The following SEPTIN6 variants were observed in gnomAD, a reference collection of about 807,000 sequenced individuals.
SEPTIN6 encodes septin-6.
SEPTIN6 carries 8 observed loss-of-function variants against 33.6 expected under a neutral mutation model. The ratio of observed to expected loss-of-function variants is 0.24; its 90% CI spans 0.14 to 0.43. The LOEUF (loss-of-function observed/expected upper bound fraction) is 0.43. Ranked by LOEUF, SEPTIN6 falls within the 20% of genes least tolerant of loss-of-function variation. SEPTIN6 has a pLI of 1.00. For missense variants in SEPTIN6, 250 were observed against 340.8 expected, an observed-to-expected ratio of 0.73 and a Z score of 2.10; for synonymous variants, 131 against 140.0, an observed-to-expected ratio of 0.94 and a Z score of 0.45.
At chrX:119,642,177 C>CAAAAAAAAAA (rs1188953936) in intron 5 of SEPTIN6, among the ~76,000 whole-genome samples, 4 of 45,371 alleles carry the variant, frequency 8.8e-5, no homozygotes, top group Non-Finnish European at 1.3e-4. Context: ...GACCCAGTCT[C>CAAAAAAAAAA]AAAAAAAAAA....
In SEPTIN6 at chrX:119,689,024, C is replaced by T. The variant is rs781611352; in HGVS notation, c.30+4052G>A. On this transcript the variant is annotated intron_variant, in intron 1 of 10. Coordinates refer to ENST00000394610, the MANE Select transcript of SEPTIN6 (RefSeq NM_145799.4). ...ACCAGAGTGCAGCAGCAATCTTTTC[C>T]CCACCTGAAGACAGTTGCTCTGAGA... Among the ~76,000 whole-genome samples the T allele has an allele frequency of 1.4e-4, 16 of 111,332 alleles. No homozygotes were observed. In the South Asian group the frequency reaches 6.1e-3, roughly 42 times the overall value.
intron 3 of SEPTIN6, among the ~76,000 whole-genome samples, chrX:119,658,052 G>A (rs1157621908): frequency 7.2e-5 from 8 of 111,568 alleles, no homozygotes; most frequent in Admixed American, 3.8e-4. Context: ...GCGTGAACCC[G>A]GGAGGCGGAG....
In SEPTIN6 at chrX:119,642,044, A is replaced by G. The variant is rs182442437; in HGVS notation, c.691-1256T>C. Among the ~76,000 whole-genome samples the G allele has an allele frequency of 3.9e-3, 427 of 110,867 alleles. 5 individuals are homozygous for G. The highest frequency in any genetic ancestry group is 0.013 in the African/African-American group (406 of 30,444). On this transcript the variant is annotated intron_variant, in intron 5 of 10. Transcript: ENST00000394610. Reference sequence around the variant, plus strand: ...CAGACCCTGGCCCCGGAGAGTGCACAGTGTGCCAAGGGAGAAAGCCATCTC... The same window carrying G: ...CAGACCCTGGCCCCGGAGAGTGCACGGTGTGCCAAGGGAGAAAGCCATCTC...
At chrX:119,623,952 C>T (rs2053812440) in intron 10 of SEPTIN6, 1 of 194,574 alleles carries the variant, frequency 5.1e-6, no homozygotes, top group African/African-American at 3.0e-5. Flanking sequence ...GTCCTTAATC[C>T]CTGCTTTCAG....
At chrX:119,659,944 C>T (rs1314839152) in intron 3 of SEPTIN6, among the ~76,000 whole-genome samples, 2 of 112,248 alleles carry the variant, frequency 1.8e-5, no homozygotes, top group African/African-American at 6.5e-5. Context: ...GCGATCTCAG[C>T]TCACTGCAAC....
intron 1 of SEPTIN6, among the ~76,000 whole-genome samples, chrX:119,692,070 C>T: frequency 9.0e-6 from 1 of 111,523 alleles, no homozygotes. Flanking sequence ...TTTCTCTGCA[C>T]ATCCCAGGCT....
At chrX:119,629,544 C>A (rs1170615502) in intron 8 of SEPTIN6, 36 bp from the exon 9 acceptor site, 1 of 1,177,451 alleles carries the variant, frequency 8.5e-7, no homozygotes, top group Non-Finnish European at 1.2e-6. Context: ...GAGAGAATCC[C>A]CTGTGAGCAG....
chrX:119,692,621 C>T (rs1038938454), intron 1 of SEPTIN6, among the ~76,000 whole-genome samples: 1 of 111,967 alleles, frequency 8.9e-6, no homozygotes, highest in Non-Finnish European at 1.9e-5. Context: ...CCGCCTTCTG[C>T]CCCAGGCTAA....
intron 2 of SEPTIN6, among the ~76,000 whole-genome samples, chrX:119,674,839 A>G (rs1389940150): frequency 8.9e-6 from 1 of 111,804 alleles, no homozygotes; most frequent in Admixed American, 9.6e-5. Flanking sequence ...TTTCACAGAT[A>G]TTACCGCACT....
At chrX:119,679,237 TGGCCC>T (rs1220362003) in intron 1 of SEPTIN6, among the ~76,000 whole-genome samples, 24 of 111,985 alleles carry the variant, frequency 2.1e-4, no homozygotes, top group African/African-American at 7.8e-4. Flanking sequence ...CCACCATGCC[TGGCCC>T]AAAAGAAATA....
intron 8 of SEPTIN6, among the ~76,000 whole-genome samples, chrX:119,630,882 C>T (rs1219620142): frequency 2.9e-5 from 3 of 103,510 alleles, no homozygotes; most frequent in Non-Finnish European, 5.8e-5. Context: ...AAGAGTGAGA[C>T]TCTGTCTCGG....
At chrX:119,664,581 A>T (rs760764469) in intron 2 of SEPTIN6, among the ~76,000 whole-genome samples, 5 of 110,114 alleles carry the variant, frequency 4.5e-5, no homozygotes, top group Admixed American at 1.9e-4. Flanking sequence ...TAATCCTAGC[A>T]CTTTGGGAGG....
intron 2 of SEPTIN6, among the ~76,000 whole-genome samples, chrX:119,672,054 G>A (rs994878197): frequency 8.9e-6 from 1 of 112,038 alleles, no homozygotes; most frequent in Non-Finnish European, 1.9e-5. Context: ...AGGACAGGGT[G>A]GTGAGCACAG....
At chrX:119,651,774 T>C (rs1569430309) in intron 4 of SEPTIN6, among the ~76,000 whole-genome samples, 3 of 112,747 alleles carry the variant, frequency 2.7e-5, no homozygotes, top group Admixed American at 9.4e-5. Flanking sequence ...AATGCCCCTA[T>C]ACAGGACATG....
rs754462004 is a variant in SEPTIN6 at position 119,622,446 on chromosome X, C to G, written c.*42-2395G>C. On this transcript the variant is annotated intron_variant, in intron 10 of 10. Transcript: ENST00000394610. ...AGGAGGGGGCGGGTTGCCTTTGCTG[C>G]TTTCAGATCCTGGGGAGCCAAAGCC... Among the ~76,000 whole-genome samples the G allele has an allele frequency of 4.5e-5, 5 of 111,659 alleles. No homozygotes were observed. The Admixed American group carries it at 4.8e-4, about 11-fold the overall frequency.
At chrX:119,673,094 G>A (rs1486394323) in intron 2 of SEPTIN6, among the ~76,000 whole-genome samples, 3 of 111,865 alleles carry the variant, frequency 2.7e-5, no homozygotes, top group Admixed American at 9.5e-5. Flanking sequence ...ATGTGGGCCA[G>A]GCATAGTGGC....
intron 7 of SEPTIN6, chrX:119,635,025 A>G (rs2054037299): frequency 8.0e-6 from 2 of 249,909 alleles, no homozygotes; most frequent in Admixed American, 4.9e-5. Context: ...AAAAAAAAAA[A>G]AAGAAAGAAA....
chrX:119,632,212 T>C (rs955159441), intron 8 of SEPTIN6, among the ~76,000 whole-genome samples: 3 of 109,758 alleles, frequency 2.7e-5, no homozygotes, highest in African/African-American at 1.0e-4. Flanking sequence ...TTTTTTTTTT[T>C]TGAGGCAGAG....
At position 119,682,811 on chromosome X, in the gene SEPTIN6, T is replaced by C. The variant is rs564944173; in HGVS notation, c.31-7143A>G. On this transcript the variant is annotated intron_variant, in intron 1 of 10. Coordinates refer to ENST00000394610, the MANE Select transcript of SEPTIN6 (RefSeq NM_145799.4). ...CCTCTGGGAACTGAGGGTGCATCTG[T>C]GTCAATGGAGAATTTCCCGCCTCTG... 1.8e-4 allele frequency among the ~76,000 whole-genome samples: 20 copies of C among 111,611 alleles called. 1 individual carries two copies. In the South Asian group the frequency reaches 6.7e-3, roughly 38 times the overall value.
Sources: gnomAD v4.1 joint callset for allele counts (sites outside exome capture counted in the v4.1 genomes callset) on GRCh38, gnomAD v4.1.1 for gene constraint, MANE v1.5 for transcripts, NCBI Gene and HGNC (gene_info 2026-07-23, HGNC 2026-07-21) for gene names.